TCOF1: variants seen among roughly 807,000 people sequenced by gnomAD.
TCOF1 encodes the protein treacle ribosome biogenesis factor 1, also known as treacle protein.
A neutral mutation model predicts 149.0 loss-of-function variants in TCOF1; 33 were observed. That is an observed-to-expected ratio of 0.22 (90% confidence interval 0.17 to 0.30). The LOEUF (loss-of-function observed/expected upper bound fraction) is 0.30. Ranked by LOEUF, TCOF1 falls within the 10% of genes least tolerant of loss-of-function variation. The pLI, the probability that TCOF1 is intolerant of heterozygous loss-of-function variation, is 1.00. For synonymous variants in TCOF1, 789 were observed against 738.8 expected, an observed-to-expected ratio of 1.07 and a Z score of -1.10; for missense variants, 1,728 against 1,840.7, an observed-to-expected ratio of 0.94 and a Z score of 1.12.
chr5:150,392,901 A>G (rs1214962439), intron 22 of TCOF1, 111 bp downstream of exon 22: 11 of 1,335,366 alleles, frequency 8.2e-6, no homozygotes, highest in Non-Finnish European at 1.1e-5. Flanking sequence ...CTCTCTTCAC[A>G]GAGGCCTTGG....
chr5:150,378,932 G>A lies in TCOF1; in HGVS notation c.2368G>A (p.Ala790Thr), dbSNP rs1764404229. The A allele has an allele frequency of 2.5e-6, 4 of 1,614,034 alleles. No homozygotes were observed. Among genetic ancestry groups the A allele is most frequent in the South Asian group, 1.1e-5 (1 of 91,082 alleles). The change falls in exon 15 of 27, where the codon GCC becomes ACC. Residue 790 changes from alanine to threonine, a missense_variant. This residue lies in a region of TCOF1 where 1,696 missense variants were observed against 1,765.4 expected (regional missense o/e 0.96). Coordinates refer to ENST00000643257, the MANE Select transcript of TCOF1 (RefSeq NM_001371623.1). Reference sequence around the variant, plus strand: ...GAAAACCTCAGTAAAGAAAACCCAGGCCAAAGCCAACCCAGCTGCCGCCAG... The same window carrying A: ...GAAAACCTCAGTAAAGAAAACCCAGACCAAAGCCAACCCAGCTGCCGCCAG... ...QVKTSVKKTQ[A>T]KANPAAARAP...
chr5:150,393,260 A>G, intron 22 of TCOF1, 112 bp from the exon 23 acceptor site: 2 of 1,317,720 alleles, frequency 1.5e-6, no homozygotes, highest in South Asian at 2.4e-5. Flanking sequence ...CTGATAGGGC[A>G]GGGTGATCCT....
chr5:150,382,888 C>T (rs1187291112), intron 17 of TCOF1, among the ~76,000 whole-genome samples: 1 of 152,224 alleles, frequency 6.6e-6, no homozygotes, highest in African/African-American at 2.4e-5. Flanking sequence ...AAGCATGTTT[C>T]CAGTGGCTGT....
Position 150,379,518 on chromosome 5 carries a change from G to A in TCOF1, c.2659-14G>A, listed in dbSNP as rs1235718222. The A allele has an allele frequency of 6.2e-7, 1 of 1,614,034 alleles. No individual in the cohort carries two copies. Among genetic ancestry groups the A allele is most frequent in the African/African-American group, 1.3e-5 (1 of 74,920 alleles). On this transcript the variant is annotated splice_polypyrimidine_tract_variant and intron_variant, in intron 16 of 26. Coordinates refer to ENST00000643257, the MANE Select transcript of TCOF1 (RefSeq NM_001371623.1). ...CCTCCAGGCTCTCTCCTCTCATCCT[G>A]TTTCTCCCTCCAGGTGAAGCCTTCA...
At chr5:150,363,834 G>C (rs1010943117) in intron 2 of TCOF1, among the ~76,000 whole-genome samples, 2 of 152,200 alleles carry the variant, frequency 1.3e-5, no homozygotes, top group African/African-American at 4.8e-5. Context: ...GCATGGGTCA[G>C]CTCCTATCAC....
At chr5:150,374,843 C>G (rs762796595) in intron 9 of TCOF1, 32 bp downstream of exon 9, 31 of 1,606,042 alleles carry the variant, frequency 1.9e-5, no homozygotes, top group Non-Finnish European at 2.6e-5. Context: ...GAGAGTAGCC[C>G]CATGCCTAAA....
At chr5:150,392,656 G>T (rs1446206696) in intron 21 of TCOF1, 49 bp from the exon 22 acceptor site, 1 of 1,604,538 alleles carries the variant, frequency 6.2e-7, no homozygotes, top group East Asian at 2.2e-5. Context: ...GCCCTTCCCG[G>T]CTGGCAGGGG....
At chr5:150,379,486 C>G (rs917237010) in intron 16 of TCOF1, 46 bp from the exon 17 acceptor site, 1 of 1,613,828 alleles carries the variant, frequency 6.2e-7, no homozygotes. Flanking sequence ...TCTTCTCACA[C>G]GTCCACCCTC....
chr5:150,391,653 G>A lies in TCOF1; in HGVS notation c.3293G>A (p.Ser1098Asn). 4.3e-6 allele frequency: 7 copies of A among 1,613,670 alleles called. No homozygotes were observed. The highest frequency in any genetic ancestry group is 5.9e-6 in the Non-Finnish European group (7 of 1,179,848). ...CCTGTTGCCAGGACCCAGCCTTCAA[G>A]TGGGGTGAGCTTGGGGAGCCAGGGG... ...QPPVARTQPS[S>N]GVDSAVGTLP... The change falls in exon 20 of 27, where the codon AGT becomes AAT. Residue 1098 changes from serine (S) to asparagine (N), a missense_variant. Transcript: ENST00000643257.
intron 17 of TCOF1, among the ~76,000 whole-genome samples, chr5:150,386,608 GA>G (rs927403776): frequency 2.0e-5 from 3 of 150,544 alleles, no homozygotes. Context: ...ACAGGATGGT[GA>G]AACAGAGACC....
intron 2 of TCOF1, among the ~76,000 whole-genome samples, chr5:150,361,600 A>G (rs948008594): frequency 1.3e-5 from 2 of 152,236 alleles, no homozygotes; most frequent in Non-Finnish European, 2.9e-5. Context: ...TAAGTCAAAG[A>G]ATGAAACAAA....
At chr5:150,360,107 G>A (rs1162038373) in intron 1 of TCOF1, among the ~76,000 whole-genome samples, 2 of 152,196 alleles carry the variant, frequency 1.3e-5, no homozygotes, top group African/African-American at 2.4e-5. Context: ...TAGTGTTACC[G>A]GCTCACTGCT....
intron 8 of TCOF1, 44 bp from the exon 9 acceptor site, chr5:150,374,573 C>T: frequency 1.2e-6 from 2 of 1,611,910 alleles, no homozygotes; most frequent in Non-Finnish European, 1.7e-6. Flanking sequence ...TGTCTCCTCA[C>T]ACGTCCATCC....
chr5:150,375,589 C>G (rs1334740073), intron 11 of TCOF1, 35 bp downstream of exon 11: 2 of 1,610,066 alleles, frequency 1.2e-6, no homozygotes, highest in Admixed American at 3.3e-5. Flanking sequence ...TTTCTTTTTC[C>G]CCCCCACTCA....
chr5:150,387,785 A>G (rs1215203701), intron 17 of TCOF1, 117 bp from the exon 18 acceptor site: 16 of 1,424,222 alleles, frequency 1.1e-5, no homozygotes, highest in Non-Finnish European at 1.5e-5. Context: ...TTCTGTGCCC[A>G]GCTGCCCCTG....
rs186651237 is a variant in TCOF1 at position 150,381,758 on chromosome 5, T to C, written c.2859+2026T>C. Reference sequence around the variant, plus strand: ...ATTCAAAAGAGCTTAAATAAGGGGATTGACTGTCTTAAAGTGCACAAAGTC... The same window carrying C: ...ATTCAAAAGAGCTTAAATAAGGGGACTGACTGTCTTAAAGTGCACAAAGTC... On this transcript the variant is annotated intron_variant, in intron 17 of 26. Coordinates refer to ENST00000643257, the MANE Select transcript of TCOF1 (RefSeq NM_001371623.1). 9.0e-4 allele frequency among the ~76,000 whole-genome samples: 137 copies of C among 152,358 alleles called. 2 individuals carry two copies. The highest frequency in any genetic ancestry group is 2.9e-4 in the Non-Finnish European group (20 of 68,034).
rs753008654 is a variant in TCOF1 at position 150,361,176 on chromosome 5, C to G, written c.129C>G (p.Pro43=). The change falls in exon 2 of 27, where the codon CCC becomes CCG. Residue 43 remains proline (P), a synonymous_variant. Coordinates refer to ENST00000643257, the MANE Select transcript of TCOF1 (RefSeq NM_001371623.1). The part of the protein sequence containing the change: ...QSGQKCFLAQ[P]VTLLDIYTHW... Reference sequence around the variant, plus strand: ...TGCAGAAGTGTTTCCTGGCTCAGCCCGTAACCCTTCTGGACATCTATACAC... The same window carrying G: ...TGCAGAAGTGTTTCCTGGCTCAGCCGGTAACCCTTCTGGACATCTATACAC... 3 of 1,614,200 alleles carry G rather than the reference C, an allele frequency of 1.9e-6. No homozygotes were observed. Among genetic ancestry groups the G allele is most frequent in the Non-Finnish European group, 2.5e-6 (3 of 1,180,040 alleles).
At chr5:150,359,532 T>C (rs1446260806) in intron 1 of TCOF1, among the ~76,000 whole-genome samples, 1 of 152,114 alleles carries the variant, frequency 6.6e-6, no homozygotes, top group Non-Finnish European at 1.5e-5. Context: ...TCAGATCCCT[T>C]TGCCCTGTGG....
chr5:150,384,680 T>C, intron 17 of TCOF1: 1 of 985,490 alleles, frequency 1.0e-6, no homozygotes, highest in Non-Finnish European at 1.2e-6. Flanking sequence ...CTGGAGTCTA[T>C]TTAAAAAGCA....
Sources: gnomAD v4.1 joint callset for allele counts (sites outside exome capture counted in the v4.1 genomes callset) on GRCh38, gnomAD v4.1.1 for gene constraint, gnomAD v4.1.1 regional missense constraint, MANE v1.5 for transcripts, NCBI Gene and HGNC (gene_info 2026-07-23, HGNC 2026-07-21) for gene names.